Variants in ACAD11 observed in about 807,000 individuals in gnomAD.
The protein encoded by ACAD11 is acyl-Coenzyme A dehydrogenase family, member 11.
Under a neutral mutation model 102.2 loss-of-function variants are expected in ACAD11, and 83 were observed. The observed-to-expected ratio is 0.81, with a 90% CI of 0.68 to 0.97. ACAD11 has a LOEUF of 0.97. Among genes scored for constraint, ACAD11 ranks in the 50% least tolerant of loss-of-function variants. The probability of loss-of-function intolerance (pLI) is 0.00; values close to 1 mark genes in which losing one functional copy is unlikely to be tolerated. For synonymous variants in ACAD11, 324 were observed against 319.8 expected, an observed-to-expected ratio of 1.01 and a Z score of -0.14; for missense variants, 901 against 951.7, an observed-to-expected ratio of 0.95 and a Z score of 0.70.
In ACAD11 at chr3:132,626,779, C is replaced by T; in HGVS notation, c.1109G>A (p.Gly370Glu). The change falls in exon 9 of 20, where the codon GGA becomes GAA. Residue 370 changes from glycine (G) to glutamate (E), a missense_variant. By Grantham distance (98) the Gly-to-Glu change is moderately conservative. Coordinates refer to ENST00000264990, the MANE Select transcript of ACAD11 (RefSeq NM_032169.5). ...STVLPQIDTT[G>E]QLFVQTRKGQ... ...TTTCCGAGTCTGTACAAACAACTGT[C>T]CAGTAGTATCAATCTGTGGTAGTAC... 3 of 1,613,584 alleles carry T rather than the reference C, an allele frequency of 1.9e-6. No individual in the cohort carries two copies. Among genetic ancestry groups the T allele is most frequent in the Non-Finnish European group, 2.5e-6 (3 of 1,179,858 alleles).
chr3:132,634,939 G>A (rs1256598336), intron 5 of ACAD11, among the ~76,000 whole-genome samples: 1 of 151,086 alleles, frequency 6.6e-6, no homozygotes, highest in Non-Finnish European at 1.5e-5. Flanking sequence ...AGCATTAGGA[G>A]AGATACCTAA....
At chr3:132,627,113 T>C (rs1939850031) in intron 8 of ACAD11, 1 of 201,350 alleles carries the variant, frequency 5.0e-6, no homozygotes, top group African/African-American at 2.3e-5. Context: ...TGTCTGGACA[T>C]GCCCACAATG....
Position 132,575,726 on chromosome 3 carries a change from G to A in ACAD11, c.2001+46C>T, listed in dbSNP as rs773124038. The A allele has an allele frequency of 3.1e-6, 5 of 1,608,098 alleles. No homozygotes were observed. The African/African-American group carries it at 6.7e-5, about 21-fold the overall frequency. On this transcript the variant is annotated intron_variant, in intron 17 of 19. Transcript: ENST00000264990. ...AGTAATGTTTTTGTTCAATGTTAGT[G>A]TAGTGCACCGGGCTACAATAAATTC...
intron 15 of ACAD11, 143 bp from the exon 16 acceptor site, chr3:132,577,158 G>A (rs1016974249): frequency 2.5e-5 from 15 of 611,446 alleles, no homozygotes; most frequent in Non-Finnish European, 4.0e-5. Context: ...GTAAGCCTCA[G>A]CCCTGAACCC....
intron 11 of ACAD11, among the ~76,000 whole-genome samples, chr3:132,611,141 G>C (rs754529819): frequency 2.0e-5 from 3 of 152,106 alleles, no homozygotes; most frequent in Non-Finnish European, 2.9e-5. Flanking sequence ...TATCTCAAGA[G>C]ATGCAGAAAA....
At chr3:132,570,587 A>G (rs960837940) in intron 17 of ACAD11, among the ~76,000 whole-genome samples, 7 of 152,002 alleles carry the variant, frequency 4.6e-5, no homozygotes, top group Admixed American at 1.3e-4. Flanking sequence ...GGGGTTTATT[A>G]TACAGATTAT....
At chr3:132,630,293 A>G in intron 7 of ACAD11, 144 bp downstream of exon 7, 1 of 928,216 alleles carries the variant, frequency 1.1e-6, no homozygotes, top group Non-Finnish European at 1.5e-6. Flanking sequence ...TTCTGGATTT[A>G]TATTTTACCT....
intron 13 of ACAD11, among the ~76,000 whole-genome samples, chr3:132,588,354 C>CA (rs1937937939): frequency 6.6e-6 from 1 of 152,128 alleles, no homozygotes; most frequent in South Asian, 2.1e-4. Flanking sequence ...ATCAGGTCTT[C>CA]ACTTACCCAG....
intron 1 of ACAD11, among the ~76,000 whole-genome samples, chr3:132,657,086 G>A (rs1443102559): frequency 1.3e-5 from 2 of 151,950 alleles, no homozygotes; most frequent in Admixed American, 1.3e-4. Context: ...CTTCTCTAAA[G>A]TCAAAAATAT....
At position 132,634,369 on chromosome 3, in the gene ACAD11, C is replaced by G. The variant is rs567612264; in HGVS notation, c.703-2890G>C. On this transcript the variant is annotated intron_variant, in intron 5 of 19. Transcript: ENST00000264990. ...AACCACAGTGAGATACCATCTCACA[C>G]CAGTTAGAATGGCGATCATTAAAAA... Among the ~76,000 whole-genome samples the G allele has an allele frequency of 5.3e-5, 8 of 152,192 alleles. No homozygotes were observed. The South Asian group carries it at 1.5e-3, about 28-fold the overall frequency.
chr3:132,610,184 A>C (rs916452785), intron 11 of ACAD11, among the ~76,000 whole-genome samples: 5 of 152,192 alleles, frequency 3.3e-5, no homozygotes, highest in Admixed American at 1.3e-4. Context: ...GAATGGACCA[A>C]AGCTGGAAGC....
intron 4 of ACAD11, among the ~76,000 whole-genome samples, chr3:132,641,650 G>A (rs913497184): frequency 1.5e-4 from 21 of 141,220 alleles, no homozygotes; most frequent in African/African-American, 3.4e-4. Flanking sequence ...AGGAAGAAGA[G>A]GAGGAAGAAG....
chr3:132,586,568 T>C (rs1937838437), intron 13 of ACAD11, among the ~76,000 whole-genome samples: 2 of 152,124 alleles, frequency 1.3e-5, no homozygotes, highest in African/African-American at 4.8e-5. Flanking sequence ...TGGGCAAAAT[T>C]ATCTGTCCCA....
At chr3:132,624,254 T>C (rs933746768) in intron 9 of ACAD11, among the ~76,000 whole-genome samples, 1 of 146,354 alleles carries the variant, frequency 6.8e-6, no homozygotes, top group Admixed American at 7.0e-5. Flanking sequence ...TGCAGTGAGA[T>C]AGCATCACAT....
chr3:132,626,627 A>C, intron 9 of ACAD11, 64 bp downstream of exon 9: 4 of 1,587,734 alleles, frequency 2.5e-6, no homozygotes, highest in Non-Finnish European at 3.4e-6. Context: ...CTATAAGCAG[A>C]AATAACAAAA....
intron 10 of ACAD11, 53 bp from the exon 11 acceptor site, chr3:132,618,825 T>G (rs1330781771): frequency 6.9e-7 from 1 of 1,446,608 alleles, no homozygotes; most frequent in African/African-American, 1.5e-5. Context: ...GGACTCACAG[T>G]AGTTTATTTC....
In ACAD11 at chr3:132,639,473, T is replaced by C; in HGVS notation, c.702+19A>G. 6.2e-7 allele frequency: 1 copy of C among 1,607,044 alleles called. No homozygotes were observed. Among genetic ancestry groups the C allele is most frequent in the South Asian group, 1.1e-5 (1 of 90,106 alleles). ...CAAAACAGACCTACTCAATTAATTG[T>C]AAACATAGCTAACTGTACCTCTTTA... On this transcript the variant is annotated intron_variant, in intron 5 of 19. Coordinates refer to ENST00000264990, the MANE Select transcript of ACAD11 (RefSeq NM_032169.5).
intron 5 of ACAD11, among the ~76,000 whole-genome samples, chr3:132,635,689 G>A (rs1163823456): frequency 6.6e-6 from 1 of 152,160 alleles, no homozygotes; most frequent in Non-Finnish European, 1.5e-5. Context: ...TTCTAGCAAA[G>A]AACCTGGCAC....
At chr3:132,620,713 G>A in intron 9 of ACAD11, among the ~76,000 whole-genome samples, 1 of 152,176 alleles carries the variant, frequency 6.6e-6, no homozygotes, top group East Asian at 1.9e-4. Flanking sequence ...TAAAATCTAA[G>A]GAAAGGAAAA....
Sources: gnomAD v4.1 joint callset for allele counts (sites outside exome capture counted in the v4.1 genomes callset) on GRCh38, gnomAD v4.1.1 for gene constraint, MANE v1.5 for transcripts, NCBI Gene and HGNC (gene_info 2026-07-23, HGNC 2026-07-21) for gene names.